Variants in PRKN observed in about 807,000 individuals in gnomAD.
PRKN encodes the protein E3 ubiquitin-protein ligase parkin.
PRKN carries 56 observed loss-of-function variants against 59.5 expected under a neutral mutation model. That is an observed-to-expected ratio of 0.94 (90% CI 0.76 to 1.18). The LOEUF (loss-of-function observed/expected upper bound fraction) is 1.18, where lower values mean the gene tolerates loss of function less well. Among genes scored for constraint, PRKN ranks in the 50% most tolerant of loss-of-function variants. The probability of loss-of-function intolerance (pLI) is 0.00; values close to 1 mark genes in which losing one functional copy is unlikely to be tolerated. For synonymous variants in PRKN, 250 were observed against 222.1 expected (o/e 1.13, Z -1.12); for missense variants, 657 against 596.4 (o/e 1.10, Z -1.06).
At chr6:162,033,669 C>A (rs1463742345) in intron 5 of PRKN, among the ~76,000 whole-genome samples, 4 of 152,112 alleles carry the variant, frequency 2.6e-5, no homozygotes, top group Non-Finnish European at 5.9e-5. Flanking sequence ...GTAGTTAAAG[C>A]ATGATTTTTT....
At chr6:161,878,175 A>T (rs1794805592) in intron 6 of PRKN, among the ~76,000 whole-genome samples, 1 of 152,178 alleles carries the variant, frequency 6.6e-6, no homozygotes, top group Non-Finnish European at 1.5e-5. Context: ...GTATTTGCTG[A>T]TTACAACCGA....
At chr6:162,170,395 G>A (rs1486506138) in intron 4 of PRKN, among the ~76,000 whole-genome samples, 1 of 152,058 alleles carries the variant, frequency 6.6e-6, no homozygotes, top group Non-Finnish European at 1.5e-5. Context: ...ATTTTCCTTT[G>A]TAATAGACAT....
chr6:162,438,554 G>C (rs1388866208), intron 2 of PRKN, among the ~76,000 whole-genome samples: 1 of 152,012 alleles, frequency 6.6e-6, no homozygotes, highest in African/African-American at 2.4e-5. Flanking sequence ...TTTTCACTGG[G>C]TATAATATTA....
At chr6:161,833,063 A>G (rs1016656887) in intron 6 of PRKN, among the ~76,000 whole-genome samples, 10 of 152,156 alleles carry the variant, frequency 6.6e-5, no homozygotes, top group Non-Finnish European at 8.8e-5. Context: ...GGTCACATAC[A>G]ATTAGTTCAC....
chr6:161,572,089 T>C (rs1052519659), intron 7 of PRKN, among the ~76,000 whole-genome samples: 36 of 152,164 alleles, frequency 2.4e-4, no homozygotes, highest in Non-Finnish European at 5.1e-4. Context: ...GTGTGAGCCC[T>C]TCCCCCAGTA....
At chr6:161,775,025 A>G (rs1338580505) in intron 7 of PRKN, among the ~76,000 whole-genome samples, 1 of 152,084 alleles carries the variant, frequency 6.6e-6, no homozygotes, top group Non-Finnish European at 1.5e-5. Flanking sequence ...ATAATTATAC[A>G]AGGTCCAGGA....
intron 7 of PRKN, among the ~76,000 whole-genome samples, chr6:161,757,931 C>CTGTATATATA (rs1562660586): frequency 7.4e-6 from 1 of 135,748 alleles, no homozygotes; most frequent in Non-Finnish European, 1.5e-5. Context: ...ATCTCTCTCT[C>CTGTATATATA]TGTATATATA....
Position 161,498,641 on chromosome 6 carries a change from G to A in PRKN, c.1083+50213C>T, listed in dbSNP as rs552608072. ...CCTCCCACCATCCTGCTTCCTGAAG[G>A]AAGGGCTCCACCTGCCGACCCTGAT... On this transcript the variant is annotated intron_variant, in intron 9 of 11. Transcript: ENST00000366898. The surrounding 1 kb of genome is among the most constrained non-coding windows in gnomAD (Gnocchi z 4.2). Among the ~76,000 whole-genome samples the A allele has an allele frequency of 6.6e-6, 1 of 152,274 alleles. No individual in the cohort carries two copies. Among genetic ancestry groups the A allele is most frequent in the Admixed American group, 6.5e-5 (1 of 15,310 alleles).
intron 6 of PRKN, among the ~76,000 whole-genome samples, chr6:161,842,466 TAAA>T (rs61182650): frequency 7.4e-6 from 1 of 135,796 alleles, no homozygotes. Flanking sequence ...AATGAGACTC[TAAA>T]AAAAAAAAAA....
intron 2 of PRKN, among the ~76,000 whole-genome samples, chr6:162,421,821 T>C (rs1409647595): frequency 1.3e-5 from 2 of 152,110 alleles, no homozygotes; most frequent in Admixed American, 6.6e-5. Context: ...CAATATAAAA[T>C]AGGAATGCAA....
At chr6:162,019,346 T>G (rs1450277212) in intron 5 of PRKN, among the ~76,000 whole-genome samples, 1 of 152,244 alleles carries the variant, frequency 6.6e-6, no homozygotes, top group South Asian at 2.1e-4. Context: ...CAGAACCATG[T>G]AAGACATGGG....
At chr6:162,711,858 T>C (rs900846548) in intron 1 of PRKN, among the ~76,000 whole-genome samples, 1 of 152,186 alleles carries the variant, frequency 6.6e-6, no homozygotes, top group Admixed American at 6.5e-5. Context: ...CAAACTTTCT[T>C]GCGCAGATCA....
intron 2 of PRKN, among the ~76,000 whole-genome samples, chr6:162,434,099 A>C (rs1325286421): frequency 6.6e-6 from 1 of 152,182 alleles, no homozygotes; most frequent in African/African-American, 2.4e-5. Context: ...TCTTCAATCC[A>C]ATGCAGTTTA....
intron 7 of PRKN, among the ~76,000 whole-genome samples, chr6:161,622,891 C>T (rs1040705868): frequency 1.3e-5 from 2 of 152,206 alleles, no homozygotes; most frequent in African/African-American, 4.8e-5. Context: ...AAGAATCACA[C>T]CTACATCAAA....
intron 6 of PRKN, among the ~76,000 whole-genome samples, chr6:161,873,771 C>G (rs1206639687): frequency 1.3e-5 from 2 of 150,542 alleles, no homozygotes; most frequent in Admixed American, 6.8e-5. Flanking sequence ...ATTAACTTGG[C>G]CATAGTCACT....
intron 7 of PRKN, among the ~76,000 whole-genome samples, chr6:161,621,607 A>G (rs1562564605): frequency 6.6e-6 from 1 of 152,024 alleles, no homozygotes; most frequent in Non-Finnish European, 1.5e-5. Context: ...ATCCACTTGG[A>G]CTCACATCCC....
rs772653159 is a variant in PRKN, at chr6:161,502,481, C to T, written c.1083+46373G>A. On this transcript the variant is annotated intron_variant, in intron 9 of 11. Transcript: ENST00000366898. This position sits in a 1 kb window ranked among gnomAD's most constrained non-coding sequence, Gnocchi z 4.0. ...CACCCCAAGCTACTTGCCTTCCCAC[C>T]CCTTCTCTTCTGAAGCAACATCCCG... 1.3e-5 allele frequency among the ~76,000 whole-genome samples: 2 copies of T among 152,084 alleles called. No homozygotes were observed. The highest frequency in any genetic ancestry group is 2.4e-5 in the African/African-American group (1 of 41,408).
intron 1 of PRKN, among the ~76,000 whole-genome samples, chr6:162,507,748 G>C (rs1263428367): frequency 6.6e-6 from 1 of 152,128 alleles, no homozygotes; most frequent in African/African-American, 2.4e-5. Flanking sequence ...TCCCCTGTTG[G>C]AGTGTGAGCT....
chr6:162,652,771 C>T (rs552247606), intron 1 of PRKN, among the ~76,000 whole-genome samples: 2 of 151,532 alleles, frequency 1.3e-5, no homozygotes, highest in Non-Finnish European at 2.9e-5. Flanking sequence ...ACTGACACTT[C>T]CTCTTTATTA....
Sources: allele counts gnomAD v4.1 joint callset (sites outside exome capture counted in the v4.1 genomes callset), GRCh38; gene constraint gnomAD v4.1.1; non-coding constraint Gnocchi (gnomAD v3.1); transcripts MANE v1.5; gene names NCBI Gene and HGNC (gene_info 2026-07-23, HGNC 2026-07-21).